The following EFCAB3 variants were observed in gnomAD, a reference collection of about 807,000 sequenced individuals.
EFCAB3 encodes EF-hand calcium binding domain 3, also known as EF-hand calcium-binding domain-containing protein 3.
In EFCAB3, 36 loss-of-function variants were observed where a neutral mutation model predicts 42.2. That is an observed-to-expected ratio of 0.85 (90% CI 0.65 to 1.13). The LOEUF is 1.13. EFCAB3 is among the 50% of genes most tolerant of loss of function. The pLI is 0.00. For synonymous variants in EFCAB3, 170 were observed against 172.8 expected (o/e 0.98, Z 0.13); for missense variants, 418 against 505.1 (o/e 0.83, Z 1.65).
chr17:62,388,067 G>T (rs1322213400), intron 3 of EFCAB3, among the ~76,000 whole-genome samples: 2 of 152,110 alleles, frequency 1.3e-5, no homozygotes, highest in Non-Finnish European at 2.9e-5. Context: ...AAAATTAGCT[G>T]AGCGTGGTGG....
chr17:62,378,179 CT>C (rs2070165470), upstream of EFCAB3, among the ~76,000 whole-genome samples: 1 of 152,202 alleles, frequency 6.6e-6, no homozygotes, highest in South Asian at 2.1e-4. Context: ...CTCCAACTTT[CT>C]TTCTAAGTTC....
intron 8 of EFCAB3, among the ~76,000 whole-genome samples, chr17:62,407,715 A>G (rs1874256463): frequency 6.6e-6 from 1 of 152,108 alleles, no homozygotes; most frequent in African/African-American, 2.4e-5. Flanking sequence ...CCCCCCTCCC[A>G]GGATATACTT....
intron 6 of EFCAB3, among the ~76,000 whole-genome samples, 156 bp from the exon 7 acceptor site, chr17:62,406,324 A>G (rs148297926): frequency 6.6e-6 from 1 of 152,354 alleles, no homozygotes; most frequent in East Asian, 1.9e-4. Flanking sequence ...ATATTCTATA[A>G]ATATCACAGA....
upstream of EFCAB3, chr17:62,378,073 CTTACA>C: frequency 7.0e-7 from 1 of 1,424,312 alleles, no homozygotes; most frequent in African/African-American, 1.4e-5. Flanking sequence ...AATACTTTGA[CTTACA>C]TTTTTTAATA....
chr17:62,378,905 C>T (rs1318679351), upstream of EFCAB3, among the ~76,000 whole-genome samples: 1 of 151,092 alleles, frequency 6.6e-6, no homozygotes, highest in African/African-American at 2.5e-5. Context: ...CACATGTGTC[C>T]CAGAACTTAA....
At chr17:62,373,419 C>A (rs2070128076) in intron 1 of EFCAB3, among the ~76,000 whole-genome samples, 1 of 151,908 alleles carries the variant, frequency 6.6e-6, no homozygotes, top group African/African-American at 2.4e-5. Flanking sequence ...TCAAGACCAG[C>A]CTGGGCAACA....
intron 6 of EFCAB3, among the ~76,000 whole-genome samples, chr17:62,403,114 A>G (rs958192446): frequency 6.6e-6 from 1 of 152,032 alleles, no homozygotes; most frequent in African/African-American, 2.4e-5. Context: ...TAGTTTGTAT[A>G]TCTGTGTCCA....
At chr17:62,401,901 T>G (rs1283469739) in intron 6 of EFCAB3, among the ~76,000 whole-genome samples, 1 of 152,236 alleles carries the variant, frequency 6.6e-6, no homozygotes, top group Non-Finnish European at 1.5e-5. Context: ...TTTCACGATA[T>G]TGATTCTTCC....
intron 6 of EFCAB3, among the ~76,000 whole-genome samples, chr17:62,398,704 C>T (rs1190382247): frequency 1.3e-5 from 2 of 148,760 alleles, no homozygotes; most frequent in African/African-American, 4.9e-5. Flanking sequence ...TATATATGTA[C>T]ACACACACAC....
chr17:62,415,917 A>G lies in EFCAB3; in HGVS notation c.991-86A>G, dbSNP rs564907883. 2.8e-5 allele frequency: 33 copies of G among 1,163,762 alleles called. No individual in the cohort carries two copies. The South Asian group carries it at 4.7e-4, about 17-fold the overall frequency. 72.1% of individuals were successfully genotyped at this position (1,163,762 alleles called of 1,614,324 possible). A position where few individuals can be genotyped will look rare whatever the true frequency, so the allele number is the denominator to read the frequency against. On this transcript the variant is annotated intron_variant, in intron 9 of 9. Coordinates refer to ENST00000305286, the MANE Select transcript of EFCAB3 (RefSeq NM_173503.4). ...AGTGACTTTCGAGTAGCCCAGGGAC[A>G]TAACTCTTGGGGTATCTATCATTGT...
chr17:62,406,704 G>A, intron 7 of EFCAB3, 31 bp downstream of exon 7: 1 of 1,609,624 alleles, frequency 6.2e-7, no homozygotes, highest in Non-Finnish European at 8.5e-7. Flanking sequence ...CTCTACTGTT[G>A]TAAAGGATTT....
chr17:62,404,689 G>A (rs754262560), intron 6 of EFCAB3, among the ~76,000 whole-genome samples: 22 of 152,048 alleles, frequency 1.4e-4, no homozygotes, highest in Non-Finnish European at 2.9e-4. Context: ...CCAGCTATTC[G>A]GGAAGCTGAA....
At chr17:62,397,577 G>T in intron 6 of EFCAB3, 1 of 600,572 alleles carries the variant, frequency 1.7e-6, no homozygotes. Context: ...AAAAATAGGG[G>T]TTGAAACCAA....
chr17:62,392,083 T>C, intron 4 of EFCAB3, 118 bp downstream of exon 4: 1 of 797,356 alleles, frequency 1.3e-6, no homozygotes, highest in Non-Finnish European at 1.7e-6. Context: ...CCCCCAAATA[T>C]ATATATATTT....
At chr17:62,393,823 T>C (rs2070325558) in intron 5 of EFCAB3, among the ~76,000 whole-genome samples, 179 bp downstream of exon 5, 1 of 152,208 alleles carries the variant, frequency 6.6e-6, no homozygotes, top group South Asian at 2.1e-4. Flanking sequence ...CAGTGTTAAC[T>C]ACATCAAGCA....
intron 3 of EFCAB3, among the ~76,000 whole-genome samples, chr17:62,389,074 A>C (rs1789272602): frequency 6.6e-6 from 1 of 152,152 alleles, no homozygotes. Flanking sequence ...GTCAGTCAGG[A>C]AGTGGGCAGG....
At chr17:62,375,467 C>G (rs116163925) in intron 2 of EFCAB3, among the ~76,000 whole-genome samples, 1,579 of 152,140 alleles carry the variant, frequency 0.01, 39 homozygotes, top group African/African-American at 0.037. Flanking sequence ...TTTTGAGCAC[C>G]CAGACACTGT....
chr17:62,393,782 T>G, intron 5 of EFCAB3, 138 bp downstream of exon 5: 1 of 680,736 alleles, frequency 1.5e-6, no homozygotes, highest in Non-Finnish European at 2.5e-6. Context: ...GTACCTCTTC[T>G]CCAGAACAGT....
chr17:62,383,587 G>C (rs2070223065), intron 2 of EFCAB3, among the ~76,000 whole-genome samples: 1 of 152,114 alleles, frequency 6.6e-6, no homozygotes, highest in South Asian at 2.1e-4. Flanking sequence ...CATCGGAATT[G>C]AAGAGAAATA....
Sources: allele counts gnomAD v4.1 joint callset (sites outside exome capture counted in the v4.1 genomes callset), GRCh38; gene constraint gnomAD v4.1.1; transcripts MANE v1.5; gene names NCBI Gene and HGNC (gene_info 2026-07-23, HGNC 2026-07-21).